The following PRPF38A variants were observed in gnomAD, a reference collection of about 807,000 sequenced individuals.
PRPF38A encodes pre-mRNA processing factor 38A.
A neutral mutation model predicts 46.8 loss-of-function variants in PRPF38A; 11 were observed. That is an observed-to-expected ratio of 0.24 (90% CI 0.15 to 0.39). The LOEUF is 0.39. Among genes scored for constraint, PRPF38A ranks in the 10% least tolerant of loss-of-function variants. PRPF38A has a pLI of 1.00. For missense variants in PRPF38A, 261 were observed against 407.5 expected, an observed-to-expected ratio of 0.64 and a Z score of 3.10; for synonymous variants, 124 against 136.2, an observed-to-expected ratio of 0.91 and a Z score of 0.62.
In PRPF38A at chr1:52,419,647, A is replaced by AC. The variant is rs1386677006; in HGVS notation, c.*2957_*2958insC. ...TGAAAAATAAGATTGGTGGAGTTTA[A>AC]AGGCCTTATACTAGAAACCACAAAA... On this transcript the variant is annotated 3_prime_UTR_variant, in exon 10 of 10. Transcript: ENST00000257181. 2 of 152,228 alleles carry AC rather than the reference A, an allele frequency of 1.3e-5. No individual in the cohort carries two copies. The highest frequency in any genetic ancestry group is 4.8e-5 in the African/African-American group (2 of 41,458). The allele number at this position is 152,228 out of a possible 1,614,324, so 9.4% of individuals were successfully genotyped here. A position where few individuals can be genotyped will look rare whatever the true frequency, so the allele number is the denominator to read the frequency against.
rs1020720995 is a variant in PRPF38A at position 52,419,499 on chromosome 1, A to G, written c.*2809A>G. ...AAGTTTAAATAAGCATTATTTAGAA[A>G]AGAACGATCACAGATTGCCCACTCC... On this transcript the variant is annotated 3_prime_UTR_variant, in exon 10 of 10. Transcript: ENST00000257181. 3 of 152,176 alleles carry G rather than the reference A, an allele frequency of 2.0e-5. No individual in the cohort carries two copies. The highest frequency in any genetic ancestry group is 7.2e-5 in the African/African-American group (3 of 41,448). 9.4% of individuals were successfully genotyped at this position (152,176 alleles called of 1,614,324 possible).
intron 8 of PRPF38A, 73 bp downstream of exon 8, chr1:52,414,932 G>C: frequency 3.0e-6 from 4 of 1,347,304 alleles, no homozygotes; most frequent in Non-Finnish European, 4.2e-6. Flanking sequence ...GCCTCCTGCA[G>C]TACAGGAGTG....
chr1:52,405,236 A>G (rs1647944774), intron 1 of PRPF38A, among the ~76,000 whole-genome samples: 1 of 152,210 alleles, frequency 6.6e-6, no homozygotes, highest in Non-Finnish European at 1.5e-5. Flanking sequence ...CCTGAAACCA[A>G]ATTCATGATC....
At chr1:52,410,617 T>A (rs1648122335) in intron 3 of PRPF38A, among the ~76,000 whole-genome samples, 1 of 151,894 alleles carries the variant, frequency 6.6e-6, no homozygotes, top group Non-Finnish European at 1.5e-5. Context: ...TTCTCCTGCC[T>A]CAGCCTCTTG....
Position 52,413,977 on chromosome 1 carries a change from C to T in PRPF38A, c.708C>T (p.Ser236=). 4.3e-6 allele frequency: 7 copies of T among 1,611,554 alleles called. No homozygotes were observed. Among genetic ancestry groups the T allele is most frequent in the Non-Finnish European group, 5.9e-6 (7 of 1,177,730 alleles). ...CACTGCGCTACAGGAGGAGTAGGAG[C>T]CGGTCTCCCAGAAGGTAAAGCCTAG... The part of the protein sequence containing the change: ...SPTLRYRRSR[S]RSPRRRSRSP... The change falls in exon 6 of 10, where the codon AGC becomes AGT. Residue 236 remains serine, a synonymous_variant. Coordinates refer to ENST00000257181, the MANE Select transcript of PRPF38A (RefSeq NM_032864.4).
chr1:52,410,193 C>T (rs921102273), intron 3 of PRPF38A, among the ~76,000 whole-genome samples: 1 of 147,022 alleles, frequency 6.8e-6, no homozygotes, highest in Non-Finnish European at 1.5e-5. Flanking sequence ...TCCCAGCTAC[C>T]CAGGAGGCTG....
Position 52,419,825 on chromosome 1 carries a change from CGGATCATG to C in PRPF38A, c.*3136_*3143del. 1 of 152,330 alleles carries C rather than the reference CGGATCATG, an allele frequency of 6.6e-6. No homozygotes were observed. Among genetic ancestry groups the C allele is most frequent in the East Asian group, 1.9e-4 (1 of 5,180 alleles). 9.4% of individuals were successfully genotyped at this position (152,330 alleles called of 1,614,324 possible). A position where few individuals can be genotyped will look rare whatever the true frequency, so the allele number is the denominator to read the frequency against. On this transcript the variant is annotated 3_prime_UTR_variant, in exon 10 of 10. Transcript: ENST00000257181. ...CAGCACTTTGGGAGGCCGAGGCAGA[CGGATCATG>C]AGGTCAGGAGATCGAGACCATCCAG...
intron 8 of PRPF38A, 71 bp downstream of exon 8, chr1:52,414,930 C>T: frequency 2.9e-6 from 4 of 1,400,126 alleles, no homozygotes; most frequent in Non-Finnish European, 4.0e-6. Context: ...TAGCCTCCTG[C>T]AGTACAGGAG....
At chr1:52,405,939 G>T in intron 2 of PRPF38A, 100 bp downstream of exon 2, 2 of 999,456 alleles carry the variant, frequency 2.0e-6, no homozygotes, top group Non-Finnish European at 3.0e-6. Context: ...CTCATTTCTA[G>T]AGAGTTCCAC....
At chr1:52,408,803 T>C in intron 3 of PRPF38A, 113 bp downstream of exon 3, 1 of 1,299,650 alleles carries the variant, frequency 7.7e-7, no homozygotes, top group Non-Finnish European at 1.1e-6. Flanking sequence ...TCATCTACAT[T>C]GTTACTGTCT....
chr1:52,417,786 A>G lies in PRPF38A; in HGVS notation c.*1096A>G, dbSNP rs1427290679. 6.6e-6 allele frequency: 1 copy of G among 152,222 alleles called. No individual in the cohort carries two copies. The highest frequency in any genetic ancestry group is 2.4e-5 in the African/African-American group (1 of 41,460). 9.4% of individuals were successfully genotyped at this position (152,222 alleles called of 1,614,324 possible). A position where few individuals can be genotyped will look rare whatever the true frequency, so the allele number is the denominator to read the frequency against. On this transcript the variant is annotated 3_prime_UTR_variant, in exon 10 of 10. Transcript: ENST00000257181. Reference sequence around the variant, plus strand: ...CACAACAGAACCATAGGCAACACCAACACAGGAAGAAATAGAAGTCACCTA... The same window carrying G: ...CACAACAGAACCATAGGCAACACCAGCACAGGAAGAAATAGAAGTCACCTA...
intron 9 of PRPF38A, among the ~76,000 whole-genome samples, chr1:52,416,132 C>T (rs1186212496): frequency 6.6e-6 from 1 of 151,984 alleles, no homozygotes. Context: ...AGCCACCGCG[C>T]CGGGCCTGTT....
intron 8 of PRPF38A, 79 bp downstream of exon 8, chr1:52,414,938 G>A: frequency 7.6e-7 from 1 of 1,322,016 alleles, no homozygotes; most frequent in Non-Finnish European, 1.1e-6. Context: ...TGCAGTACAG[G>A]AGTGCCTGAC....
chr1:52,406,342 T>G (rs925675015), intron 2 of PRPF38A, among the ~76,000 whole-genome samples: 1 of 152,196 alleles, frequency 6.6e-6, no homozygotes, highest in Admixed American at 6.5e-5. Flanking sequence ...CTTTACTTTC[T>G]CAGTTTTGGT....
rs1017203599 is a variant in PRPF38A, at chr1:52,420,393, T to C, written c.*3703T>C. On this transcript the variant is annotated 3_prime_UTR_variant, in exon 10 of 10. Transcript: ENST00000257181. ...TCAAATATTATGAACACTGTCTATA[T>C]AGAAATAACAAGTAGAGTGTGCTGG... is the stretch of plus-strand genomic sequence containing the variant. The C allele has an allele frequency of 6.6e-6, 1 of 152,188 alleles. No individual in the cohort carries two copies. Among genetic ancestry groups the C allele is most frequent in the African/African-American group, 2.4e-5 (1 of 41,454 alleles). The allele number at this position is 152,188 out of a possible 1,614,324, so 9.4% of individuals were successfully genotyped here.
At chr1:52,412,682 GTTTT>G (rs766971626) in intron 5 of PRPF38A, 58 bp downstream of exon 5, 2 of 1,169,722 alleles carry the variant, frequency 1.7e-6, no homozygotes, top group African/African-American at 1.5e-5. Flanking sequence ...AATGGGAATG[GTTTT>G]TTGTTTTTAG....
intron 6 of PRPF38A, among the ~76,000 whole-genome samples, 189 bp from the exon 7 acceptor site, chr1:52,414,432 A>C (rs148156174): frequency 5.1e-4 from 77 of 152,100 alleles, no homozygotes; most frequent in Non-Finnish European, 9.6e-4. Context: ...CAAATATCTC[A>C]TTAGCCAAAG....
chr1:52,416,697 C>G lies in PRPF38A; in HGVS notation c.*7C>G, dbSNP rs370734491. ...CCGGAGAGGGAATGAGTAATGGACT[C>G]AGTTTGGTTTTAGTCCACATGGCCT... On this transcript the variant is annotated 3_prime_UTR_variant, in exon 10 of 10. Transcript: ENST00000257181. 1.6e-5 allele frequency: 25 copies of G among 1,610,082 alleles called. No homozygotes were observed. In the African/African-American group the frequency reaches 3.1e-4, roughly 20 times the overall value.
rs148730486 is a variant in PRPF38A, at chr1:52,414,813, C to T, written c.801C>T (p.Arg267=). ...RHRSKSPRRH[R]SRSRDRRHRS... ...GGAGCAAGAGTCCAAGACGTCACCG[C>T]AGCAGGTCCCGAGATCGGCGGCACA... The change falls in exon 8 of 10, where the codon CGC becomes CGT. Residue 267 remains arginine, a synonymous_variant. Transcript: ENST00000257181. The T allele has an allele frequency of 4.1e-5, 66 of 1,614,070 alleles. No individual in the cohort carries two copies. Among genetic ancestry groups the T allele is most frequent in the Non-Finnish European group, 5.6e-5 (66 of 1,180,038 alleles).
Sources: gnomAD v4.1 joint callset for allele counts (sites outside exome capture counted in the v4.1 genomes callset) on GRCh38, gnomAD v4.1.1 for gene constraint, MANE v1.5 for transcripts, NCBI Gene and HGNC (gene_info 2026-07-23, HGNC 2026-07-21) for gene names.